The following SYNPO variants were observed in gnomAD, a reference collection of about 807,000 sequenced individuals.
SYNPO encodes synaptopodin.
In SYNPO, 19 loss-of-function variants were observed where a neutral mutation model predicts 49.5. That is an observed-to-expected ratio of 0.38 (90% CI 0.27 to 0.56). The LOEUF is 0.56. SYNPO is among the 20% of genes least tolerant of loss of function. The pLI is 0.68. For synonymous variants in SYNPO, 536 were observed against 548.0 expected, an observed-to-expected ratio of 0.98 and a Z score of 0.31; for missense variants, 1,131 against 1,248.3, an observed-to-expected ratio of 0.91 and a Z score of 1.42.
At chr5:150,652,543 C>G in intron 2 of SYNPO, 1 of 380,938 alleles carries the variant, frequency 2.6e-6, no homozygotes, top group Non-Finnish European at 3.6e-6. Flanking sequence ...GGCTTCCTCT[C>G]TACAGCACTC....
chr5:150,592,712 AT>A, the SYNPO span, among the ~76,000 whole-genome samples: 119 of 152,356 alleles, frequency 7.8e-4, no homozygotes, highest in African/African-American at 2.3e-3. Flanking sequence ...CTCCTCAGTG[AT>A]TAAGGCTTGA....
chr5:150,589,566 G>A, the SYNPO span, among the ~76,000 whole-genome samples: 1 of 152,218 alleles, frequency 6.6e-6, no homozygotes, highest in Admixed American at 6.5e-5. Flanking sequence ...GGGCTGGTGT[G>A]CCAGCTGGAT....
In SYNPO at chr5:150,648,110, C is replaced by T. The variant is rs377659040; in HGVS notation, c.-166C>T. ...TGAACGAGTTCACCTTGGAGAGCCA[C>T]GGCCAGAGGGGACAGAAGCCCAGCC... On this transcript the variant is annotated 5_prime_UTR_variant, in exon 2 of 3. It adds an upstream start codon to the 5' untranslated region. Transcript: ENST00000307662. The surrounding 1 kb of genome is among the most constrained non-coding windows in gnomAD (Gnocchi z 5.0). 6.1e-5 allele frequency: 94 copies of T among 1,551,886 alleles called. No homozygotes were observed. Among genetic ancestry groups the T allele is most frequent in the South Asian group, 1.2e-4 (10 of 84,104 alleles).
In SYNPO at chr5:150,648,114, C is replaced by T; in HGVS notation, c.-162C>T. ...CGAGTTCACCTTGGAGAGCCACGGC[C>T]AGAGGGGACAGAAGCCCAGCCAGGA... On this transcript the variant is annotated 5_prime_UTR_variant, in exon 2 of 3. Coordinates refer to ENST00000307662, the MANE Select transcript of SYNPO (RefSeq NM_007286.6). This position sits in a 1 kb window ranked among gnomAD's most constrained non-coding sequence, Gnocchi z 5.0. The T allele has an allele frequency of 6.4e-7, 1 of 1,551,942 alleles. No individual in the cohort carries two copies. Among genetic ancestry groups the T allele is most frequent in the Non-Finnish European group, 8.7e-7 (1 of 1,147,076 alleles).
chr5:150,620,909 C>CTTTA (rs1277120065), intron 2 of SYNPO, among the ~76,000 whole-genome samples: 1 of 124,258 alleles, frequency 8.0e-6, no homozygotes, highest in African/African-American at 3.7e-5. Flanking sequence ...CTCTTTCTTT[C>CTTTA]TTTCTTTCTT....
exon 2 of SYNPO, chr5:150,618,503 C>T (rs1241060114): frequency 6.4e-7 from 1 of 1,551,278 alleles, no homozygotes; most frequent in East Asian, 2.4e-5. Flanking sequence ...TGAGGAGGGC[C>T]TGCAGGGAGA....
At chr5:150,655,786 G>T (rs1456608032) in intron 2 of SYNPO, among the ~76,000 whole-genome samples, 1 of 152,132 alleles carries the variant, frequency 6.6e-6, no homozygotes, top group African/African-American at 2.4e-5. Flanking sequence ...CGCAGTAGCT[G>T]GGACTACAGG....
At chr5:150,640,553 C>G, upstream of SYNPO, 3 of 736,820 alleles carry the variant, frequency 4.1e-6, no homozygotes, top group Non-Finnish European at 5.0e-6. Flanking sequence ...ATGAGTGGAG[C>G]CCGGAGGGAG....
chr5:150,607,600 T>C (rs1282418631), intron 1 of SYNPO, among the ~76,000 whole-genome samples: 1 of 152,202 alleles, frequency 6.6e-6, no homozygotes. Flanking sequence ...ATGAAGAAAC[T>C]GAGGAACAGA....
chr5:150,631,551 G>A (rs1441258160), intron 2 of SYNPO, among the ~76,000 whole-genome samples: 6 of 152,210 alleles, frequency 3.9e-5, no homozygotes, highest in Non-Finnish European at 8.8e-5. Flanking sequence ...TGCAGCGCAG[G>A]GGTCAGGGCA....
upstream of SYNPO, chr5:150,639,990 C>T (rs1206696268): frequency 3.1e-6 from 1 of 326,930 alleles, no homozygotes; most frequent in African/African-American, 2.2e-5. Context: ...TCAGCTCTTC[C>T]TCTGGCTGGC....
chr5:150,646,653 A>G (rs537002149), intron 1 of SYNPO, among the ~76,000 whole-genome samples: 1 of 152,212 alleles, frequency 6.6e-6, no homozygotes, highest in African/African-American at 2.4e-5. Context: ...TGATCCCAGG[A>G]TGTCGAGGCT....
At chr5:150,623,705 T>C (rs1385068768) in intron 2 of SYNPO, among the ~76,000 whole-genome samples, 1 of 152,210 alleles carries the variant, frequency 6.6e-6, no homozygotes, top group African/African-American at 2.4e-5. Context: ...CACCTGCAGG[T>C]CTGTGTTTCA....
At chr5:150,592,654 C>T in the SYNPO span, among the ~76,000 whole-genome samples, 1 of 152,172 alleles carries the variant, frequency 6.6e-6, no homozygotes, top group Non-Finnish European at 1.5e-5. Context: ...ATCTTGGAGC[C>T]CGAGCACCCT....
At chr5:150,606,583 G>T (rs1032816186) in intron 1 of SYNPO, among the ~76,000 whole-genome samples, 2 of 152,214 alleles carry the variant, frequency 1.3e-5, no homozygotes, top group East Asian at 3.8e-4. Flanking sequence ...GCTCTGCGCC[G>T]GGCATGGGGA....
intron 2 of SYNPO, among the ~76,000 whole-genome samples, chr5:150,627,745 G>A (rs966262102): frequency 6.6e-6 from 1 of 152,178 alleles, no homozygotes; most frequent in African/African-American, 2.4e-5. Flanking sequence ...AGGCTTTCTG[G>A]GGAAGGTGTA....
chr5:150,649,086 G>A lies in SYNPO; in HGVS notation c.811G>A (p.Ala271Thr). Residue 271 changes from alanine (A) to threonine (T), a missense_variant, in exon 2 of 3, where the codon GCT becomes ACT. This residue lies in a region of SYNPO where 602 missense variants were observed against 720.7 expected (regional missense o/e 0.84). Coordinates refer to ENST00000307662, the MANE Select transcript of SYNPO (RefSeq NM_007286.6). Reference protein sequence around the residue: ...ERRHFGEKAPAPQPPSLPDRS... With the variant: ...ERRHFGEKAPTPQPPSLPDRS... ...ACGACATTTTGGGGAGAAGGCCCCG[G>A]CTCCCCAGCCCCCCAGTTTGCCAGA... 6.2e-7 allele frequency: 1 copy of A among 1,613,826 alleles called. No individual in the cohort carries two copies.
intron 2 of SYNPO, chr5:150,651,520 G>T: frequency 1.0e-6 from 1 of 1,001,318 alleles, no homozygotes. Flanking sequence ...GGTGGCGTTA[G>T]ATGGCTGTGA....
chr5:150,618,544 G>A (rs906493252), exon 2 of SYNPO: 2 of 1,550,820 alleles, frequency 1.3e-6, no homozygotes, highest in African/African-American at 2.7e-5. Flanking sequence ...AAGAGGATGA[G>A]GGGGTCAGCA....
Sources: gnomAD v4.1 joint callset for allele counts (sites outside exome capture counted in the v4.1 genomes callset) on GRCh38, gnomAD v4.1.1 for gene constraint, gnomAD v4.1.1 regional missense constraint, Gnocchi (gnomAD v3.1) non-coding constraint, MANE v1.5 for transcripts, NCBI Gene and HGNC (gene_info 2026-07-23, HGNC 2026-07-21) for gene names.